Variants in KCNMA1 observed in about 807,000 individuals in gnomAD.
KCNMA1 encodes potassium calcium-activated channel subfamily M alpha 1.
In KCNMA1, 29 loss-of-function variants were observed where a neutral mutation model predicts 140.0. The ratio of observed to expected loss-of-function variants is 0.21; its 90% CI spans 0.15 to 0.28. KCNMA1 has a LOEUF of 0.28. Ranked by LOEUF, KCNMA1 falls within the 10% of genes least tolerant of loss-of-function variation. The pLI is 1.00. For synonymous variants in KCNMA1, 612 were observed against 611.9 expected (o/e 1.00, Z 0.00); for missense variants, 880 against 1,602.2 (o/e 0.55, Z 7.70).
chr10:76,925,587 C>T (rs959772223), intron 23 of KCNMA1, among the ~76,000 whole-genome samples: 1 of 152,090 alleles, frequency 6.6e-6, no homozygotes, highest in East Asian at 1.9e-4. Flanking sequence ...ACGTGAAGAG[C>T]TCATTAAAGT....
At chr10:76,926,135 A>T (rs1386919304) in intron 23 of KCNMA1, among the ~76,000 whole-genome samples, 1 of 152,120 alleles carries the variant, frequency 6.6e-6, no homozygotes, top group Non-Finnish European at 1.5e-5. Context: ...TACACACACG[A>T]ATCTTCACTA....
chr10:77,318,143 C>T (rs1324501969), intron 2 of KCNMA1, among the ~76,000 whole-genome samples: 1 of 152,128 alleles, frequency 6.6e-6, no homozygotes, highest in African/African-American at 2.4e-5. Flanking sequence ...GAGGTCACTC[C>T]AACTTAGAAA....
At chr10:77,583,222 T>G (rs573127325) in intron 1 of KCNMA1, among the ~76,000 whole-genome samples, 2 of 152,340 alleles carry the variant, frequency 1.3e-5, no homozygotes, top group South Asian at 4.1e-4. Context: ...CAGGTTGGGC[T>G]TCTTCCTGGT....
At chr10:77,512,014 T>C (rs2048575826) in intron 1 of KCNMA1, among the ~76,000 whole-genome samples, 1 of 152,170 alleles carries the variant, frequency 6.6e-6, no homozygotes. Flanking sequence ...TCAGCCTGGA[T>C]GTTTGATAAA....
At chr10:76,984,415 C>T (rs771809601) in intron 19 of KCNMA1, among the ~76,000 whole-genome samples, 2 of 152,106 alleles carry the variant, frequency 1.3e-5, no homozygotes, top group Non-Finnish European at 2.9e-5. Flanking sequence ...GTCTCAAACT[C>T]CTAACCTCAA....
chr10:77,537,613 A>G (rs1035797505), intron 1 of KCNMA1, among the ~76,000 whole-genome samples: 2 of 152,222 alleles, frequency 1.3e-5, no homozygotes, highest in African/African-American at 4.8e-5. Context: ...GAAGACACCT[A>G]AAATCCTAAT....
At chr10:77,217,508 C>A (rs938442882) in intron 3 of KCNMA1, 20 of 456,542 alleles carry the variant, frequency 4.4e-5, no homozygotes, top group Non-Finnish European at 7.9e-5. Context: ...TCTTGGCCAC[C>A]CTGGAATTTC....
chr10:77,075,084 G>C (rs1330384679), intron 13 of KCNMA1, among the ~76,000 whole-genome samples: 1 of 152,170 alleles, frequency 6.6e-6, no homozygotes, highest in African/African-American at 2.4e-5. Context: ...GCCAAAAGTG[G>C]GTACTCCAGG....
chr10:77,155,293 G>A (rs1365218672), intron 5 of KCNMA1, among the ~76,000 whole-genome samples: 1 of 152,220 alleles, frequency 6.6e-6, no homozygotes, highest in Admixed American at 6.5e-5. Context: ...TCCAAAAAGT[G>A]TGATTCTATA....
At chr10:77,494,459 G>A (rs944549451) in intron 1 of KCNMA1, among the ~76,000 whole-genome samples, 1 of 152,190 alleles carries the variant, frequency 6.6e-6, no homozygotes, top group South Asian at 2.1e-4. Flanking sequence ...TGGACAAACG[G>A]GCACATGGGG....
At chr10:76,911,661 T>G (rs1325874481) in intron 24 of KCNMA1, 1 of 152,190 alleles carries the variant, frequency 6.6e-6, no homozygotes, top group African/African-American at 2.4e-5. Flanking sequence ...CCTTCTGACA[T>G]TAAATACCTG....
chr10:77,494,488 C>T (rs1419221157), intron 1 of KCNMA1, among the ~76,000 whole-genome samples: 1 of 152,154 alleles, frequency 6.6e-6, no homozygotes, highest in Non-Finnish European at 1.5e-5. Context: ...GGTAGAGTCC[C>T]CAGAGTCAGT....
intron 1 of KCNMA1, among the ~76,000 whole-genome samples, chr10:77,438,871 G>C (rs2097319462): frequency 6.6e-6 from 1 of 152,146 alleles, no homozygotes; most frequent in South Asian, 2.1e-4. Flanking sequence ...GAGGTCAGGA[G>C]TTCAAGACCA....
At chr10:77,401,148 A>C (rs11813660) in intron 2 of KCNMA1, among the ~76,000 whole-genome samples, 2,164 of 143,070 alleles carry the variant, frequency 0.015, 51 homozygotes, top group African/African-American at 0.053. Context: ...AAACTTCAAA[A>C]ATTCATTTTT....
intron 3 of KCNMA1, among the ~76,000 whole-genome samples, chr10:77,214,724 C>G (rs1598919245): frequency 6.6e-6 from 1 of 152,176 alleles, no homozygotes; most frequent in East Asian, 1.9e-4. Context: ...CCCTCTGTCT[C>G]AACAGTGCTT....
At chr10:76,992,151 G>C (rs1173680128) in intron 19 of KCNMA1, among the ~76,000 whole-genome samples, 2 of 152,148 alleles carry the variant, frequency 1.3e-5, no homozygotes, top group Non-Finnish European at 2.9e-5. Flanking sequence ...AAGGCTGGGG[G>C]AGTTTTTTCT....
intron 1 of KCNMA1, among the ~76,000 whole-genome samples, chr10:77,549,022 G>A (rs745476173): frequency 3.9e-5 from 6 of 152,172 alleles, no homozygotes; most frequent in South Asian, 2.1e-4. Context: ...TTCCCACTCT[G>A]GGCCATTCAT....
At chr10:77,423,280 C>G (rs35793) in intron 1 of KCNMA1, among the ~76,000 whole-genome samples, 17,962 of 152,174 alleles carry the variant, frequency 0.12, 1,303 homozygotes, top group South Asian at 0.25. Context: ...CTCCACATGT[C>G]CTGTTTCTCA....
intron 1 of KCNMA1, among the ~76,000 whole-genome samples, chr10:77,541,644 T>C (rs2060210694): frequency 6.6e-6 from 1 of 151,970 alleles, no homozygotes; most frequent in Non-Finnish European, 1.5e-5. Flanking sequence ...AAATCAAGGC[T>C]TGAGATAGGA....
Sources: allele counts gnomAD v4.1 joint callset (sites outside exome capture counted in the v4.1 genomes callset), GRCh38; gene constraint gnomAD v4.1.1; transcripts MANE v1.5; gene names NCBI Gene and HGNC (gene_info 2026-07-23, HGNC 2026-07-21).